Variants in TMEM63C observed in about 807,000 individuals in gnomAD.
TMEM63C encodes the protein osmosensitive cation channel TMEM63C.
TMEM63C carries 32 observed loss-of-function variants against 99.2 expected under a neutral mutation model. The ratio of observed to expected loss-of-function variants is 0.32; its 90% CI spans 0.24 to 0.43. TMEM63C has a LOEUF of 0.43. Among genes scored for constraint, TMEM63C ranks in the 20% least tolerant of loss-of-function variants. TMEM63C has a pLI of 1.00. For synonymous variants in TMEM63C, 376 were observed against 397.9 expected (o/e 0.94, Z 0.66); for missense variants, 826 against 1,053.0 (o/e 0.78, Z 2.98).
At chr14:77,187,675 G>A (rs971649992) in intron 1 of TMEM63C, among the ~76,000 whole-genome samples, 10 of 152,234 alleles carry the variant, frequency 6.6e-5, no homozygotes, top group Admixed American at 3.3e-4. Context: ...TGTGTGGCTG[G>A]GGAGAGAACC....
intron 1 of TMEM63C, among the ~76,000 whole-genome samples, chr14:77,185,036 G>A (rs575414182): frequency 7.2e-5 from 11 of 152,196 alleles, no homozygotes; most frequent in Non-Finnish European, 1.5e-4. Context: ...GGCAGAGTGG[G>A]CGGGGAAGGG....
At chr14:77,194,499 TTCTTTCTTTC>T (rs1432155910) in intron 1 of TMEM63C, among the ~76,000 whole-genome samples, 1 of 13,494 alleles carries the variant, frequency 7.4e-5, no homozygotes, top group Admixed American at 6.3e-4. Flanking sequence ...TCTTTTTTCT[TTCTTTCTTTC>T]TTTCTTTCTT....
chr14:77,220,918 G>GTC (rs1566623280), intron 5 of TMEM63C, among the ~76,000 whole-genome samples: 2 of 23,008 alleles, frequency 8.7e-5, no homozygotes, highest in African/African-American at 1.1e-4. Context: ...TCCCACTCAC[G>GTC]CCTCCTCTCC....
intron 1 of TMEM63C, among the ~76,000 whole-genome samples, chr14:77,198,495 G>A (rs1164710894): frequency 6.6e-6 from 1 of 152,226 alleles, no homozygotes; most frequent in East Asian, 1.9e-4. Flanking sequence ...GAGTCAGGGT[G>A]AGGGCAAAAT....
intron 14 of TMEM63C, 109 bp from the exon 15 acceptor site, chr14:77,242,794 C>A: frequency 7.5e-7 from 1 of 1,328,348 alleles, no homozygotes; most frequent in Non-Finnish European, 1.1e-6. Context: ...GCCCAGGAGG[C>A]TGGATTAGAC....
intron 18 of TMEM63C, among the ~76,000 whole-genome samples, chr14:77,247,602 TA>T (rs1185856513): frequency 2.0e-5 from 3 of 152,182 alleles, no homozygotes; most frequent in Non-Finnish European, 2.9e-5. Flanking sequence ...AATATTAAAC[TA>T]GGGGGGATCA....
intron 20 of TMEM63C, 84 bp downstream of exon 20, chr14:77,248,956 C>A: frequency 7.7e-7 from 1 of 1,301,090 alleles, no homozygotes; most frequent in Non-Finnish European, 1.1e-6. Flanking sequence ...CAGTCCACCT[C>A]CTGGAGCATG....
intron 2 of TMEM63C, among the ~76,000 whole-genome samples, chr14:77,214,059 C>T (rs539572772): frequency 6.6e-6 from 1 of 152,138 alleles, no homozygotes; most frequent in South Asian, 2.1e-4. Flanking sequence ...GCTTCAATCC[C>T]TTTACCTTCA....
chr14:77,232,224 A>C (rs2140119047), intron 7 of TMEM63C, among the ~76,000 whole-genome samples: 1 of 152,188 alleles, frequency 6.6e-6, no homozygotes, highest in South Asian at 2.1e-4. Context: ...GTTTACCCAC[A>C]CCTGCTCCCC....
chr14:77,209,507 G>T (rs1176378850), intron 1 of TMEM63C, among the ~76,000 whole-genome samples: 2 of 152,312 alleles, frequency 1.3e-5, no homozygotes, highest in Admixed American at 1.3e-4. Context: ...ATAAGAGAAA[G>T]ATATGGTCCC....
At chr14:77,255,284 C>G (rs896059979) in intron 23 of TMEM63C, among the ~76,000 whole-genome samples, 6 of 152,368 alleles carry the variant, frequency 3.9e-5, no homozygotes, top group Middle Eastern at 3.4e-3. Context: ...AGCCACCACG[C>G]CAGGCCTATA....
chr14:77,240,110 C>T (rs1428502742), intron 12 of TMEM63C, among the ~76,000 whole-genome samples: 2 of 152,194 alleles, frequency 1.3e-5, no homozygotes, highest in Admixed American at 6.5e-5. Context: ...TCAAAGAGGG[C>T]GTCGAGACTC....
Position 77,186,815 on chromosome 14 carries a change from G to GTGTC in TMEM63C, c.-77+4924_-77+4925insCTGT, listed in dbSNP as rs1377962193. Among the ~76,000 whole-genome samples the GTGTC allele has an allele frequency of 4.8e-5, 7 of 146,604 alleles. No individual in the cohort carries two copies. In the East Asian group the frequency reaches 1.0e-3, roughly 21 times the overall value. ...TGTGTGTGTGTCTGTGTGTGTGTGT[G>GTGTC]TGTGTCTGTGTGTGTCTGTGTGGTG... On this transcript the variant is annotated intron_variant, in intron 1 of 23. Transcript: ENST00000298351.
intron 1 of TMEM63C, among the ~76,000 whole-genome samples, chr14:77,198,412 G>C (rs1189387673): frequency 6.6e-6 from 1 of 152,242 alleles, no homozygotes; most frequent in Non-Finnish European, 1.5e-5. Flanking sequence ...ATCTGGTGGA[G>C]AGACCTTGGC....
chr14:77,253,428 G>A, intron 23 of TMEM63C, 52 bp downstream of exon 23: 1 of 1,517,154 alleles, frequency 6.6e-7, no homozygotes, highest in Non-Finnish European at 9.0e-7. Context: ...TGCAGGGATG[G>A]TCTACTCTAG....
In TMEM63C at chr14:77,218,897, C is replaced by T. The variant is rs376068166; in HGVS notation, c.84C>T (p.Thr28=). Residue 28 remains threonine, a synonymous_variant, in exon 3 of 24, where the codon ACC becomes ACT. Transcript: ENST00000298351. ...ATGAATGCTTCCAGTCTCGGAACAC[C>T]GTCCTCCAGGGGCAGCCCTTTGGGG... ...TVDECFQSRN[T]VLQGQPFGGV... The T allele has an allele frequency of 1.1e-4, 177 of 1,612,574 alleles. 1 individual carries two copies. The highest frequency in any genetic ancestry group is 1.6e-4 in the Middle Eastern group (1 of 6,074).
At chr14:77,222,562 C>T (rs1888744547) in intron 5 of TMEM63C, among the ~76,000 whole-genome samples, 1 of 152,210 alleles carries the variant, frequency 6.6e-6, no homozygotes, top group Non-Finnish European at 1.5e-5. Context: ...ATTGCAGATG[C>T]TGTGCCGTGG....
chr14:77,243,503 A>G (rs1889217212), intron 15 of TMEM63C, among the ~76,000 whole-genome samples: 1 of 152,076 alleles, frequency 6.6e-6, no homozygotes, highest in African/African-American at 2.4e-5. Flanking sequence ...GGTAAGCCCC[A>G]ACGCAGCCCT....
At chr14:77,256,205 G>A (rs923419649) in intron 23 of TMEM63C, among the ~76,000 whole-genome samples, 4 of 152,228 alleles carry the variant, frequency 2.6e-5, no homozygotes, top group Admixed American at 2.0e-4. Context: ...GACCTCAGCT[G>A]AGGGGAGCCT....
Sources: allele counts gnomAD v4.1 joint callset (sites outside exome capture counted in the v4.1 genomes callset), GRCh38; gene constraint gnomAD v4.1.1; transcripts MANE v1.5; gene names NCBI Gene and HGNC (gene_info 2026-07-23, HGNC 2026-07-21).